Variants in CEP164 observed in about 807,000 individuals in gnomAD.
The protein encoded by CEP164 is centrosomal protein 164, also known as centrosomal protein of 164 kDa.
CEP164 carries 162 observed loss-of-function variants against 182.7 expected under a neutral mutation model. The observed-to-expected ratio is 0.89, with a 90% confidence interval of 0.78 to 1.01. The LOEUF (loss-of-function observed/expected upper bound fraction) is 1.01. Among genes scored for constraint, CEP164 ranks in the 50% least tolerant of loss-of-function variants. The probability of loss-of-function intolerance (pLI) is 0.00; values close to 1 mark genes in which losing one functional copy is unlikely to be tolerated. For synonymous variants in CEP164, 661 were observed against 690.0 expected (o/e 0.96, Z 0.66); for missense variants, 1,735 against 1,790.4 (o/e 0.97, Z 0.56).
chr11:117,359,506 A>C (rs1047538099), intron 5 of CEP164: 1 of 985,394 alleles, frequency 1.0e-6, no homozygotes, highest in African/African-American at 1.7e-5. Flanking sequence ...CTGATGCAGA[A>C]ATGGGCCCTG....
At chr11:117,405,794 A>G (rs2046609655) in intron 27 of CEP164, among the ~76,000 whole-genome samples, 2 of 152,248 alleles carry the variant, frequency 1.3e-5, no homozygotes, top group African/African-American at 4.8e-5. Context: ...TCAAAGTTCC[A>G]CAAATCTCTA....
chr11:117,349,674 G>T (rs1190441913), intron 4 of CEP164, among the ~76,000 whole-genome samples: 3 of 152,050 alleles, frequency 2.0e-5, no homozygotes, highest in Non-Finnish European at 4.4e-5. Context: ...TTAATCCATT[G>T]TGAAATCTAT....
chr11:117,322,362 G>A (rs1476475709), intron 1 of CEP164, among the ~76,000 whole-genome samples: 3 of 152,070 alleles, frequency 2.0e-5, no homozygotes, highest in African/African-American at 4.8e-5. Flanking sequence ...TGATCCGCCC[G>A]CCTCGACCTC....
At chr11:117,395,925 C>T (rs2045375357) in intron 24 of CEP164, 129 bp from the exon 25 acceptor site, 8 of 1,345,242 alleles carry the variant, frequency 5.9e-6, no homozygotes, top group East Asian at 2.3e-5. Flanking sequence ...TGCTATTGTT[C>T]GTGCCTGAGC....
chr11:117,350,722 C>T (rs2039515075), intron 4 of CEP164, among the ~76,000 whole-genome samples: 1 of 152,064 alleles, frequency 6.6e-6, no homozygotes, highest in South Asian at 2.1e-4. Context: ...TTATTGGCAT[C>T]TTTACAGACT....
At position 117,390,964 on chromosome 11, in the gene CEP164, C is replaced by T. The variant is rs367794718; in HGVS notation, c.2067-35C>T. ...GCCCTGCGGAGGCGACCCCAGGGTG[C>T]ACAGGCCCGTTACCATTCCACTGTG... is the stretch of plus-strand genomic sequence containing the variant. On this transcript the variant is annotated intron_variant, in intron 16 of 32. Coordinates refer to ENST00000278935, the MANE Select transcript of CEP164 (RefSeq NM_014956.5). 1.6e-3 allele frequency: 2,596 copies of T among 1,613,888 alleles called. 3 individuals carry two copies. The highest frequency in any genetic ancestry group is 2.1e-3 in the Non-Finnish European group (2,423 of 1,179,966).
At chr11:117,327,576 A>G (rs560992158), upstream of CEP164, among the ~76,000 whole-genome samples, 1 of 151,268 alleles carries the variant, frequency 6.6e-6, no homozygotes, top group East Asian at 2.0e-4. Flanking sequence ...TGCTGGAATT[A>G]CAGGCGTGAG....
At chr11:117,330,885 T>C (rs537325616) in intron 1 of CEP164, among the ~76,000 whole-genome samples, 1 of 152,340 alleles carries the variant, frequency 6.6e-6, no homozygotes, top group African/African-American at 2.4e-5. Flanking sequence ...GTTAGTACTC[T>C]CATTTTATAG....
Position 117,412,089 on chromosome 11 carries a change from C to G in CEP164, c.4304C>G (p.Thr1435Arg), listed in dbSNP as rs201252589. 6.2e-7 allele frequency: 1 copy of G among 1,614,186 alleles called. No homozygotes were observed. The highest frequency in any genetic ancestry group is 2.2e-5 in the East Asian group (1 of 44,870). The change falls in exon 33 of 33, where the codon ACA becomes AGA. Residue 1435 changes from threonine to arginine, a missense_variant. Thr to Arg is a moderately conservative substitution (Grantham distance 71). Coordinates refer to ENST00000278935, the MANE Select transcript of CEP164 (RefSeq NM_014956.5). The part of the protein sequence containing the change: ...NDPRLPLFSS[T>R]PKPKATLSLL... ...GTGGCCAGACCTCTCTTCTCGTCAACACCCAAGCCAAAAGCTACTTTGAGC... is the reference window on the plus strand; with the variant it reads ...GTGGCCAGACCTCTCTTCTCGTCAAGACCCAAGCCAAAAGCTACTTTGAGC...
intron 5 of CEP164, among the ~76,000 whole-genome samples, chr11:117,353,965 G>A (rs898587619): frequency 6.6e-6 from 1 of 151,586 alleles, no homozygotes; most frequent in Non-Finnish European, 1.5e-5. Flanking sequence ...AAAAATTTCC[G>A]GGTGTCCTTG....
chr11:117,408,881 A>G lies in CEP164; in HGVS notation c.3610-9A>G. On this transcript the variant is annotated splice_polypyrimidine_tract_variant and intron_variant, in intron 28 of 32. Transcript: ENST00000278935. ...GAGGTGGGTCATAACTGCTGACTTT[A>G]CCCCACAGGCCTCAGATGAGGGCAC... is the stretch of plus-strand genomic sequence containing the variant. 1 of 1,614,014 alleles carries G rather than the reference A, an allele frequency of 6.2e-7. No individual in the cohort carries two copies. Among genetic ancestry groups the G allele is most frequent in the Non-Finnish European group, 8.5e-7 (1 of 1,179,978 alleles).
rs1053615798 is a variant in CEP164 at position 117,382,885 on chromosome 11, C to T, written c.1667C>T (p.Ala556Val). The T allele has an allele frequency of 2.5e-6, 4 of 1,613,684 alleles. No individual in the cohort carries two copies. The highest frequency in any genetic ancestry group is 1.3e-5 in the African/African-American group (1 of 74,904). Reference protein sequence around the residue: ...AEELGPGQEEAEDPEEKVAVS... With the variant: ...AEELGPGQEEVEDPEEKVAVS... ...GAGCTGGGCCCTGGGCAGGAAGAGG[C>T]AGAGGATCCTGAGGAGAAGGTGGCG... The change falls in exon 14 of 33, where the codon GCA (alanine) becomes GTA (valine). Residue 556 changes from alanine (A) to valine (V), a missense_variant. By Grantham distance (64) the Ala-to-Val change is moderately conservative. Transcript: ENST00000278935.
At chr11:117,366,168 G>A (rs950974257) in intron 8 of CEP164, among the ~76,000 whole-genome samples, 1 of 151,698 alleles carries the variant, frequency 6.6e-6, no homozygotes, top group African/African-American at 2.4e-5. Context: ...GTAAATGGGG[G>A]GTTTCAGGAT....
intron 28 of CEP164, 107 bp from the exon 29 acceptor site, chr11:117,408,783 A>T: frequency 2.8e-6 from 4 of 1,425,568 alleles, no homozygotes; most frequent in Non-Finnish European, 3.8e-6. Context: ...AAGACAAAAC[A>T]TAAAGAAGAA....
At chr11:117,375,582 G>A (rs1265874991) in intron 10 of CEP164, 126 bp from the exon 11 acceptor site, 2 of 705,052 alleles carry the variant, frequency 2.8e-6, no homozygotes, top group East Asian at 5.0e-5. Flanking sequence ...ATGTTGAAAT[G>A]TTTGGCACAG....
intron 30 of CEP164, 169 bp from the exon 31 acceptor site, chr11:117,410,659 T>A: frequency 1.9e-6 from 1 of 532,698 alleles, no homozygotes; most frequent in Non-Finnish European, 3.3e-6. Flanking sequence ...GAAAAGTAGA[T>A]TAAGTTTTAA....
intron 13 of CEP164, 178 bp from the exon 14 acceptor site, chr11:117,382,618 A>T (rs2043456770): frequency 5.9e-6 from 4 of 673,776 alleles, no homozygotes; most frequent in Middle Eastern, 3.9e-4. Flanking sequence ...CTAGTCTTTG[A>T]TGCAAATAAT....
Position 117,409,507 on chromosome 11 carries a change from TG to T in CEP164, c.3749-109del. The T allele has an allele frequency of 2.1e-6, 2 of 944,052 alleles. No individual in the cohort carries two copies. Among genetic ancestry groups the T allele is most frequent in the Non-Finnish European group, 3.2e-6 (2 of 620,420 alleles). The allele number at this position is 944,052 out of a possible 1,614,324, so 58.5% of individuals were successfully genotyped here. Reference sequence around the variant, plus strand: ...CTCATAAGGTTGAGGGGCTGTTGTCTGGAGAAGCAGGGAGGGGTGGCCAGTA... The same window carrying T: ...CTCATAAGGTTGAGGGGCTGTTGTCTGAGAAGCAGGGAGGGGTGGCCAGTA... On this transcript the variant is annotated intron_variant, in intron 29 of 32. Transcript: ENST00000278935. The surrounding 1 kb of genome is among the most constrained non-coding windows in gnomAD (Gnocchi z 4.4).
At chr11:117,400,319 G>C (rs1246032669) in intron 27 of CEP164, among the ~76,000 whole-genome samples, 1 of 152,080 alleles carries the variant, frequency 6.6e-6, no homozygotes, top group African/African-American at 2.4e-5. Flanking sequence ...TATTTCTGAG[G>C]CCTCTGTTCT....
Sources: gnomAD v4.1 joint callset for allele counts (sites outside exome capture counted in the v4.1 genomes callset) on GRCh38, gnomAD v4.1.1 for gene constraint, Gnocchi (gnomAD v3.1) non-coding constraint, MANE v1.5 for transcripts, NCBI Gene and HGNC (gene_info 2026-07-23, HGNC 2026-07-21) for gene names.